PRH1: variants seen among roughly 807,000 people sequenced by gnomAD.
The protein encoded by PRH1 is proline rich protein HaeIII subfamily 1.
Under a neutral mutation model 7.9 loss-of-function variants are expected in PRH1, and 7 were observed. The observed-to-expected ratio is 0.89, with a 90% CI of 0.50 to 1.67. The LOEUF (loss-of-function observed/expected upper bound fraction) is 1.67. Among genes scored for constraint, PRH1 ranks in the 40% most tolerant of loss-of-function variants. The probability of loss-of-function intolerance (pLI) is 0.00; values close to 1 mark genes in which losing one functional copy is unlikely to be tolerated. For missense variants in PRH1, 109 were observed against 223.6 expected (o/e 0.49, Z 3.27); for synonymous variants, 45 against 80.8 (o/e 0.56, Z 2.38).
At chr12:10,955,155 T>G (rs1231106430) in intron 2 of PRH1, among the ~76,000 whole-genome samples, 1 of 152,140 alleles carries the variant, frequency 6.6e-6, no homozygotes, top group Non-Finnish European at 1.5e-5. Flanking sequence ...ACATGGCATA[T>G]AATCTAAAAT....
chr12:10,928,078 T>A (rs186707412), intron 2 of PRH1, among the ~76,000 whole-genome samples: 11 of 152,074 alleles, frequency 7.2e-5, no homozygotes, highest in Non-Finnish European at 1.3e-4. Context: ...CCACAAGTCA[T>A]GTGGGGAGAA....
chr12:10,976,874 G>A (rs182732084), intron 1 of PRH1, among the ~76,000 whole-genome samples: 1 of 152,004 alleles, frequency 6.6e-6, no homozygotes, highest in Admixed American at 6.6e-5. Context: ...AGAAGAAATT[G>A]CATCCCTAAA....
chr12:10,963,996 A>G (rs1380863970), intron 2 of PRH1, among the ~76,000 whole-genome samples: 1 of 152,210 alleles, frequency 6.6e-6, no homozygotes, highest in Non-Finnish European at 1.5e-5. Context: ...TAAGCACACT[A>G]TGGTACATAC....
intron 1 of PRH1, among the ~76,000 whole-genome samples, chr12:11,129,268 T>G (rs1388880173): frequency 1.3e-5 from 2 of 152,288 alleles, no homozygotes; most frequent in African/African-American, 2.4e-5. Flanking sequence ...CTCATGTCCA[T>G]CCCAAGGTGG....
chr12:11,133,363 C>T, intron 1 of PRH1: 1 of 1,613,782 alleles, frequency 6.2e-7, no homozygotes, highest in Non-Finnish European at 8.5e-7. Context: ...TCACATGCCG[C>T]AAAACTGAAA....
At chr12:11,168,918 C>T (rs1170586107) in intron 1 of PRH1, among the ~76,000 whole-genome samples, 2 of 152,182 alleles carry the variant, frequency 1.3e-5, no homozygotes, top group Admixed American at 1.3e-4. Context: ...CCCCCACCTC[C>T]AAAAATTATC....
At chr12:11,127,024 C>T (rs957065080) in intron 1 of PRH1, among the ~76,000 whole-genome samples, 5 of 152,148 alleles carry the variant, frequency 3.3e-5, no homozygotes, top group African/African-American at 4.8e-5. Context: ...ACCTTAATTT[C>T]TATGTGCTCC....
chr12:11,024,082 A>G (rs572722156), intron 1 of PRH1, among the ~76,000 whole-genome samples: 1 of 152,368 alleles, frequency 6.6e-6, no homozygotes, highest in Admixed American at 6.5e-5. Context: ...CATCATGTCA[A>G]GTTTCCTAAA....
intron 1 of PRH1, among the ~76,000 whole-genome samples, chr12:11,083,250 GT>G (rs2136236074): frequency 7.9e-6 from 1 of 126,536 alleles, no homozygotes; most frequent in African/African-American, 2.8e-5. Flanking sequence ...AAGAAAAAAG[GT>G]GTCTAGCAAA....
chr12:11,140,741 CT>C (rs1444555352), intron 1 of PRH1, among the ~76,000 whole-genome samples: 2 of 152,038 alleles, frequency 1.3e-5, no homozygotes, highest in Non-Finnish European at 2.9e-5. Context: ...CAATTTTTTC[CT>C]TGTTTCACCT....
chr12:10,932,283 T>G, intron 2 of PRH1: 1 of 409,752 alleles, frequency 2.4e-6, no homozygotes, highest in East Asian at 7.3e-5. Flanking sequence ...GTGATCATGC[T>G]CTAACTTCAA....
chr12:10,959,478 T>A (rs1284522118), intron 2 of PRH1, among the ~76,000 whole-genome samples: 2 of 151,920 alleles, frequency 1.3e-5, no homozygotes, highest in Admixed American at 1.3e-4. Context: ...AAACGTAAAT[T>A]TAGACCCTTA....
At chr12:10,986,842 T>A in intron 1 of PRH1, 2 of 1,536,414 alleles carry the variant, frequency 1.3e-6, no homozygotes, top group Non-Finnish European at 1.7e-6. Flanking sequence ...GAAAAAAAAA[T>A]GTATAGAAAA....
chr12:10,958,979 G>A (rs967462609), intron 2 of PRH1, among the ~76,000 whole-genome samples: 8 of 152,170 alleles, frequency 5.3e-5, no homozygotes, highest in Admixed American at 1.3e-4. Flanking sequence ...AGGATAAAAG[G>A]ATGTGCAGAA....
At chr12:10,888,375 T>C (rs1949524402), upstream of PRH1, among the ~76,000 whole-genome samples, 1 of 152,212 alleles carries the variant, frequency 6.6e-6, no homozygotes, top group Admixed American at 6.5e-5. Context: ...GATGGACACC[T>C]TACCCATCTA....
intron 1 of PRH1, among the ~76,000 whole-genome samples, chr12:11,125,000 G>A (rs369839583): frequency 3.3e-5 from 5 of 152,154 alleles, no homozygotes; most frequent in Non-Finnish European, 5.9e-5. Flanking sequence ...CCGCCATCAC[G>A]CCCAGCTAAT....
intron 2 of PRH1, among the ~76,000 whole-genome samples, chr12:10,912,234 G>A (rs1183170580): frequency 1.3e-5 from 2 of 152,020 alleles, no homozygotes; most frequent in Non-Finnish European, 2.9e-5. Flanking sequence ...ATGATGCTAC[G>A]AACATTCTTT....
chr12:11,057,085 C>T (rs1160746208), intron 1 of PRH1, among the ~76,000 whole-genome samples: 1 of 151,970 alleles, frequency 6.6e-6, no homozygotes, highest in Non-Finnish European at 1.5e-5. Flanking sequence ...TAGCCCACTA[C>T]AGCCTTGAAA....
At chr12:10,953,051 T>C (rs142295029) in intron 2 of PRH1, among the ~76,000 whole-genome samples, 401 of 151,288 alleles carry the variant, frequency 2.7e-3, no homozygotes, top group Non-Finnish European at 3.8e-3. Context: ...CCCTAAAATC[T>C]ACCAGAAACA....
Sources: allele counts gnomAD v4.1 joint callset (sites outside exome capture counted in the v4.1 genomes callset), GRCh38; gene constraint gnomAD v4.1.1; transcripts MANE v1.5; gene names NCBI Gene and HGNC (gene_info 2026-07-23, HGNC 2026-07-21).